The following CPD variants were observed in gnomAD, a reference collection of about 807,000 sequenced individuals.
CPD encodes the protein metallocarboxypeptidase D.
A neutral mutation model predicts 138.3 loss-of-function variants in CPD; 69 were observed. The observed-to-expected ratio is 0.50, with a 90% CI of 0.41 to 0.61. CPD has a LOEUF of 0.61. Ranked by LOEUF, CPD falls within the 20% of genes least tolerant of loss-of-function variation. The probability of loss-of-function intolerance (pLI) is 0.00; values close to 1 mark genes in which losing one functional copy is unlikely to be tolerated. For synonymous variants in CPD, 651 were observed against 642.1 expected, an observed-to-expected ratio of 1.01 and a Z score of -0.21; for missense variants, 1,432 against 1,733.3, an observed-to-expected ratio of 0.83 and a Z score of 3.09.
intron 8 of CPD, among the ~76,000 whole-genome samples, chr17:30,438,589 G>C (rs975827793): frequency 1.3e-5 from 2 of 152,132 alleles, no homozygotes; most frequent in African/African-American, 4.8e-5. Flanking sequence ...TGCTTTTATT[G>C]TGTGTGTATT....
In CPD at chr17:30,379,567, G is replaced by C. The variant is rs2143288245; in HGVS notation, c.587G>C (p.Gly196Ala). The C allele has an allele frequency of 6.5e-7, 1 of 1,531,832 alleles. No homozygotes were observed. The highest frequency in any genetic ancestry group is 8.7e-7 in the Non-Finnish European group (1 of 1,151,232). The allele number at this position is 1,531,832 out of a possible 1,614,324, so 94.9% of individuals were successfully genotyped here. ...GFERAREGDCGFGDGGPSGAS... is the reference protein window; with the variant it reads ...GFERAREGDCAFGDGGPSGAS... ...GAGCGTGCCCGCGAGGGCGACTGTG[G>C]CTTCGGCGACGGCGGCCCGTCCGGG... is the stretch of plus-strand genomic sequence containing the variant. Residue 196 changes from glycine (G) to alanine (A), a missense_variant, in exon 1 of 21, where the codon GGC (glycine) becomes GCC (alanine). Around this residue, in one of 6 missense-constraint regions of CPD, gnomAD observed 484 missense variants for 477.2 expected, o/e 1.01. Transcript: ENST00000225719. The surrounding 1 kb of genome is among the most constrained non-coding windows in gnomAD (Gnocchi z 7.0).
At chr17:30,404,498 A>G (rs1038416191) in intron 2 of CPD, among the ~76,000 whole-genome samples, 2 of 152,118 alleles carry the variant, frequency 1.3e-5, no homozygotes, top group Non-Finnish European at 2.9e-5. Flanking sequence ...ATCATAATTT[A>G]CTAAACTGGT....
At position 30,422,947 on chromosome 17, in the gene CPD, T is replaced by C; in HGVS notation, c.1581T>C (p.Tyr527=). 6.2e-7 allele frequency: 1 copy of C among 1,614,120 alleles called. No individual in the cohort carries two copies. Among genetic ancestry groups the C allele is most frequent in the Non-Finnish European group, 8.5e-7 (1 of 1,179,952 alleles). ...AATATCCTAACATTACCCGGCTTTA[T>C]TCCTTGGGAAAATCAGTAGAGTCAA... ...ANEYPNITRL[Y]SLGKSVESRE... Residue 527 remains tyrosine (Y), a synonymous_variant, in exon 5 of 21, where the codon TAT becomes TAC. Transcript: ENST00000225719.
At chr17:30,415,994 G>A (rs1278531022) in intron 2 of CPD, among the ~76,000 whole-genome samples, 2 of 152,300 alleles carry the variant, frequency 1.3e-5, no homozygotes, top group Non-Finnish European at 2.9e-5. Flanking sequence ...GTGGCAAAAG[G>A]GGAGTTGTTT....
Position 30,398,435 on chromosome 17 carries a change from T to A in CPD, c.994+13199T>A, listed in dbSNP as rs370290363. ...AATAAAGATATTCTGAAACCTGACA[T>A]TTCTCCTTTAATCTTTGTTGAGCCA... is the stretch of plus-strand genomic sequence containing the variant. On this transcript the variant is annotated intron_variant, in intron 2 of 20. Coordinates refer to ENST00000225719, the MANE Select transcript of CPD (RefSeq NM_001304.5). Among the ~76,000 whole-genome samples, 26 of 152,198 alleles carry A rather than the reference T, an allele frequency of 1.7e-4. No homozygotes were observed. In the East Asian group the frequency reaches 1.9e-3, roughly 11 times the overall value.
intron 2 of CPD, among the ~76,000 whole-genome samples, chr17:30,389,863 C>A (rs1385596653): frequency 1.3e-5 from 2 of 152,154 alleles, no homozygotes; most frequent in Non-Finnish European, 2.9e-5. Flanking sequence ...TGGCTTATTT[C>A]TCTTCGTACC....
chr17:30,456,721 A>T, intron 17 of CPD, 195 bp downstream of exon 17: 1 of 485,258 alleles, frequency 2.1e-6, no homozygotes, highest in Non-Finnish European at 3.7e-6. Context: ...AGACGCCCGT[A>T]ATCCCAGCTA....
chr17:30,430,641 G>A (rs1462520729), intron 7 of CPD, among the ~76,000 whole-genome samples: 3 of 152,018 alleles, frequency 2.0e-5, no homozygotes, highest in Non-Finnish European at 2.9e-5. Context: ...TTGAGTTCCT[G>A]TTTTCTTTTC....
chr17:30,381,512 C>T (rs1019553876), intron 1 of CPD, among the ~76,000 whole-genome samples: 20 of 152,156 alleles, frequency 1.3e-4, no homozygotes, highest in African/African-American at 4.8e-4. Context: ...ATGTAACTCT[C>T]ATTAATCAAA....
At chr17:30,381,168 G>A (rs1182557001) in intron 1 of CPD, among the ~76,000 whole-genome samples, 1 of 151,738 alleles carries the variant, frequency 6.6e-6, no homozygotes, top group Non-Finnish European at 1.5e-5. Flanking sequence ...TTTTAAATAC[G>A]ATCGTGTCAT....
chr17:30,465,842 A>C lies in CPD; in HGVS notation c.*1028A>C, dbSNP rs944502138. ...ATATCTATACTTCATGCTCCAGCCC[A>C]AGCCTATACCCTGTAATAGCATACT... On this transcript the variant is annotated 3_prime_UTR_variant, in exon 21 of 21. Coordinates refer to ENST00000225719, the MANE Select transcript of CPD (RefSeq NM_001304.5). 22 of 152,616 alleles carry C rather than the reference A, an allele frequency of 1.4e-4. No homozygotes were observed. Among genetic ancestry groups the C allele is most frequent in the African/African-American group, 3.9e-4 (16 of 41,440 alleles). The allele number at this position is 152,616 out of a possible 1,614,324, so 9.5% of individuals were successfully genotyped here.
chr17:30,379,762 C>G lies in CPD; in HGVS notation c.746+36C>G. The G allele has an allele frequency of 7.3e-7, 1 of 1,375,376 alleles. No homozygotes were observed. Among genetic ancestry groups the G allele is most frequent in the Non-Finnish European group, 9.4e-7 (1 of 1,058,320 alleles). 85.2% of individuals were successfully genotyped at this position (1,375,376 alleles called of 1,614,324 possible). A position where few individuals can be genotyped will look rare whatever the true frequency, so the allele number is the denominator to read the frequency against. On this transcript the variant is annotated intron_variant, in intron 1 of 20. Coordinates refer to ENST00000225719, the MANE Select transcript of CPD (RefSeq NM_001304.5). This position sits in a 1 kb window ranked among gnomAD's most constrained non-coding sequence, Gnocchi z 7.0. Reference sequence around the variant, plus strand: ...CCTGCCCCCTCCCCGTCCGTGTGAGCCTCCAAGGGCCGAGGCTGGTTCCGG... The same window carrying G: ...CCTGCCCCCTCCCCGTCCGTGTGAGGCTCCAAGGGCCGAGGCTGGTTCCGG...
rs959203028 is a variant in CPD at position 30,379,337 on chromosome 17, C to G, written c.357C>G (p.Pro119=). The change falls in exon 1 of 21, where the codon CCC becomes CCG. Residue 119 remains proline (P), a synonymous_variant. Transcript: ENST00000225719. The surrounding 1 kb of genome is among the most constrained non-coding windows in gnomAD (Gnocchi z 7.0). The part of the protein sequence containing the change: ...EGDAGPDAAG[P]DAAGPLLPGR... Reference sequence around the variant, plus strand: ...ACGCGGGGCCTGACGCTGCCGGGCCCGACGCTGCGGGGCCGCTGCTGCCCG... The same window carrying G: ...ACGCGGGGCCTGACGCTGCCGGGCCGGACGCTGCGGGGCCGCTGCTGCCCG... 14 of 1,490,004 alleles carry G rather than the reference C, an allele frequency of 9.4e-6. No individual in the cohort carries two copies. The highest frequency in any genetic ancestry group is 1.8e-4 in the Middle Eastern group (1 of 5,456). The allele number at this position is 1,490,004 out of a possible 1,614,324, so 92.3% of individuals were successfully genotyped here. A position where few individuals can be genotyped will look rare whatever the true frequency, so the allele number is the denominator to read the frequency against.
At position 30,379,137 on chromosome 17, in the gene CPD, G is replaced by GGCCA; in HGVS notation, c.159_162dup (p.Phe55ProfsTer31). 2.6e-6 allele frequency: 4 copies of GGCCA among 1,538,756 alleles called. No individual in the cohort carries two copies. Among genetic ancestry groups the GGCCA allele is most frequent in the Non-Finnish European group, 3.5e-6 (4 of 1,146,230 alleles). On this transcript the variant is annotated frameshift_variant, in exon 1 of 21. Transcript: ENST00000225719. LOFTEE classifies it high-confidence loss of function. The surrounding 1 kb of genome is among the most constrained non-coding windows in gnomAD (Gnocchi z 7.0). Reference sequence around the variant, plus strand: ...GAGCGCGGGCGCCGAGGCGGCCGAGGGCCAGTTCGACCGCTACTACCACGA... The same window carrying GGCCA: ...GAGCGCGGGCGCCGAGGCGGCCGAGGGCCAGCCAGTTCGACCGCTACTACCACGA...
intron 12 of CPD, 31 bp from the exon 13 acceptor site, chr17:30,449,522 T>G (rs1913111338): frequency 6.5e-7 from 1 of 1,546,888 alleles, no homozygotes; most frequent in Admixed American, 2.3e-5. Flanking sequence ...CTTGATTACT[T>G]GCTGATTTTT....
intron 6 of CPD, among the ~76,000 whole-genome samples, chr17:30,425,341 TA>T (rs1912374943): frequency 6.6e-6 from 1 of 152,164 alleles, no homozygotes; most frequent in African/African-American, 2.4e-5. Flanking sequence ...TAGTGAGCTT[TA>T]TACAAGTACA....
Position 30,447,848 on chromosome 17 carries a change from G to T in CPD, c.2874-1705G>T, listed in dbSNP as rs1319715658. On this transcript the variant is annotated intron_variant, in intron 12 of 20. Transcript: ENST00000225719. ...CTTGCACTGCTTCATTTTAGATTTT[G>T]TTACAGTTACTCCAAAATTATTTCT... Among the ~76,000 whole-genome samples the T allele has an allele frequency of 3.3e-5, 5 of 152,086 alleles. No homozygotes were observed. In the East Asian group the frequency reaches 9.6e-4, roughly 29 times the overall value.
At chr17:30,385,931 A>G (rs1457870996) in intron 2 of CPD, among the ~76,000 whole-genome samples, 1 of 152,008 alleles carries the variant, frequency 6.6e-6, no homozygotes, top group African/African-American at 2.4e-5. Flanking sequence ...GTTGCGCATT[A>G]TATCAGGAGA....
At chr17:30,437,214 T>C (rs1431886669) in intron 8 of CPD, among the ~76,000 whole-genome samples, 1 of 152,106 alleles carries the variant, frequency 6.6e-6, no homozygotes, top group Non-Finnish European at 1.5e-5. Context: ...TTTATTATGG[T>C]GGGTGGTTAT....
Sources: allele counts gnomAD v4.1 joint callset (sites outside exome capture counted in the v4.1 genomes callset), GRCh38; gene constraint gnomAD v4.1.1; regional missense constraint gnomAD v4.1.1; non-coding constraint Gnocchi (gnomAD v3.1); transcripts MANE v1.5; gene names NCBI Gene and HGNC (gene_info 2026-07-23, HGNC 2026-07-21).